CRYL1: variants seen among roughly 807,000 people sequenced by gnomAD.
The protein encoded by CRYL1 is lambda-crystallin homolog.
In CRYL1, 29 loss-of-function variants were observed where a neutral mutation model predicts 36.6. The ratio of observed to expected loss-of-function variants is 0.79; its 90% CI spans 0.59 to 1.08. The LOEUF is 1.08. Among genes scored for constraint, CRYL1 ranks in the 50% least tolerant of loss-of-function variants. The pLI, the probability that CRYL1 is intolerant of heterozygous loss-of-function variation, is 0.00. For synonymous variants in CRYL1, 152 were observed against 151.5 expected (o/e 1.00, Z -0.02); for missense variants, 411 against 407.9 (o/e 1.01, Z -0.06).
At chr13:20,484,068 G>C (rs545309586) in intron 3 of CRYL1, among the ~76,000 whole-genome samples, 1 of 152,140 alleles carries the variant, frequency 6.6e-6, no homozygotes, top group African/African-American at 2.4e-5. Flanking sequence ...TGCCCGCCTT[G>C]GCCTCCCAAA....
At chr13:20,494,312 T>A (rs190763476) in intron 2 of CRYL1, among the ~76,000 whole-genome samples, 1 of 152,366 alleles carries the variant, frequency 6.6e-6, no homozygotes, top group East Asian at 1.9e-4. Context: ...CTAAGACTAT[T>A]TCCTTTTCAT....
chr13:20,444,210 G>GCAAC (rs1302340814), intron 3 of CRYL1, among the ~76,000 whole-genome samples: 8 of 152,090 alleles, frequency 5.3e-5, no homozygotes, highest in African/African-American at 1.9e-4. Context: ...AACATTACAG[G>GCAAC]CAACTAACTG....
intron 3 of CRYL1, among the ~76,000 whole-genome samples, chr13:20,460,611 C>T (rs1268231583): frequency 1.1e-4 from 16 of 142,272 alleles, no homozygotes; most frequent in Admixed American, 6.7e-4. Flanking sequence ...CTGCAAGCTC[C>T]GCCACCCGGG....
intron 1 of CRYL1, among the ~76,000 whole-genome samples, chr13:20,514,421 G>A (rs904215349): frequency 6.6e-6 from 1 of 152,170 alleles, no homozygotes; most frequent in Non-Finnish European, 1.5e-5. Flanking sequence ...CTAACGGAGG[G>A]ACATTCTACA....
intron 6 of CRYL1, among the ~76,000 whole-genome samples, chr13:20,412,639 CAG>C (rs1226627198): frequency 2.0e-5 from 3 of 152,168 alleles, no homozygotes; most frequent in East Asian, 1.9e-4. Flanking sequence ...ATCTGGTTGA[CAG>C]AGTTTCATTC....
At chr13:20,421,551 G>T (rs1333343822) in intron 5 of CRYL1, among the ~76,000 whole-genome samples, 2 of 152,126 alleles carry the variant, frequency 1.3e-5, no homozygotes, top group South Asian at 2.1e-4. Context: ...AGGCACAAAG[G>T]CTGGCTCCCA....
intron 5 of CRYL1, among the ~76,000 whole-genome samples, chr13:20,429,336 A>G (rs1593437792): frequency 6.6e-6 from 1 of 152,336 alleles, no homozygotes; most frequent in African/African-American, 2.4e-5. Context: ...TGCAAATTCA[A>G]GTTCATCTGG....
At chr13:20,477,686 A>T (rs981639695) in intron 3 of CRYL1, among the ~76,000 whole-genome samples, 7 of 146,708 alleles carry the variant, frequency 4.8e-5, no homozygotes, top group African/African-American at 7.4e-5. Flanking sequence ...AAATATTTTT[A>T]AAAATATATT....
intron 3 of CRYL1, among the ~76,000 whole-genome samples, chr13:20,449,707 C>T (rs973102943): frequency 2.6e-5 from 4 of 151,956 alleles, no homozygotes; most frequent in African/African-American, 9.7e-5. Flanking sequence ...AAGACTCCAT[C>T]AAAAGGCTCC....
At chr13:20,516,124 G>A (rs2033993365) in intron 1 of CRYL1, among the ~76,000 whole-genome samples, 1 of 143,340 alleles carries the variant, frequency 7.0e-6, no homozygotes, top group South Asian at 2.3e-4. Flanking sequence ...CGGTGGGGAG[G>A]AGGTTGCGGT....
At chr13:20,494,745 C>T (rs1301742957) in intron 2 of CRYL1, among the ~76,000 whole-genome samples, 1 of 152,130 alleles carries the variant, frequency 6.6e-6, no homozygotes, top group African/African-American at 2.4e-5. Context: ...GGGACCACCC[C>T]GGAATGAGAA....
At chr13:20,420,188 C>A (rs1422579866) in intron 5 of CRYL1, among the ~76,000 whole-genome samples, 6 of 152,236 alleles carry the variant, frequency 3.9e-5, no homozygotes, top group Non-Finnish European at 7.4e-5. Flanking sequence ...CTGAATCACA[C>A]CCATAAAACA....
intron 3 of CRYL1, among the ~76,000 whole-genome samples, chr13:20,462,190 ACGACCTAGT>A (rs2032843933): frequency 1.5e-5 from 2 of 134,306 alleles, no homozygotes; most frequent in African/African-American, 2.8e-5. Flanking sequence ...TAGTGGGAGG[ACGACCTAGT>A]GGGAGGAGGG....
chr13:20,524,616 A>G (rs1207530570), intron 1 of CRYL1, among the ~76,000 whole-genome samples: 1 of 152,114 alleles, frequency 6.6e-6, no homozygotes, highest in African/African-American at 2.4e-5. Context: ...ACCTCAGATG[A>G]TCCGCCTGCC....
intron 1 of CRYL1, among the ~76,000 whole-genome samples, chr13:20,523,974 A>T (rs563583085): frequency 1.3e-5 from 2 of 152,212 alleles, no homozygotes. Context: ...ATGGACCTAT[A>T]CAAGGCCAAG....
At chr13:20,488,263 G>A (rs929970267) in intron 3 of CRYL1, among the ~76,000 whole-genome samples, 1 of 152,112 alleles carries the variant, frequency 6.6e-6, no homozygotes, top group African/African-American at 2.4e-5. Context: ...TGCAACTACG[G>A]GTAGAAACAG....
chr13:20,496,994 C>A (rs928692518), intron 2 of CRYL1, among the ~76,000 whole-genome samples: 8 of 152,040 alleles, frequency 5.3e-5, no homozygotes, highest in African/African-American at 1.9e-4. Flanking sequence ...AAAACTTAGG[C>A]ATGGGGTTAA....
At chr13:20,473,431 G>A (rs535129384) in intron 3 of CRYL1, among the ~76,000 whole-genome samples, 4 of 152,332 alleles carry the variant, frequency 2.6e-5, no homozygotes, top group Non-Finnish European at 4.4e-5. Flanking sequence ...GGCCAGACTC[G>A]GCCCCTGGTA....
chr13:20,431,290 C>G, intron 5 of CRYL1: 1 of 985,408 alleles, frequency 1.0e-6, no homozygotes. Flanking sequence ...GCAGATGACT[C>G]GAGCCCGAGC....
Sources: gnomAD v4.1 joint callset for allele counts (sites outside exome capture counted in the v4.1 genomes callset) on GRCh38, gnomAD v4.1.1 for gene constraint, MANE v1.5 for transcripts, NCBI Gene and HGNC (gene_info 2026-07-23, HGNC 2026-07-21) for gene names.